Variants in RUNX2 observed in about 807,000 individuals in gnomAD.
The protein encoded by RUNX2 is RUNX family transcription factor 2.
A neutral mutation model predicts 51.7 loss-of-function variants in RUNX2; 10 were observed. The ratio of observed to expected loss-of-function variants is 0.19; its 90% confidence interval spans 0.12 to 0.33. RUNX2 has a LOEUF of 0.33. RUNX2 is among the 10% of genes least tolerant of loss of function. RUNX2 has a pLI of 1.00. For synonymous variants in RUNX2, 276 were observed against 273.6 expected (o/e 1.01, Z -0.09); for missense variants, 562 against 691.3 (o/e 0.81, Z 2.10).
chr6:45,470,805 A>C (rs1008110745), intron 5 of RUNX2, among the ~76,000 whole-genome samples: 2 of 152,174 alleles, frequency 1.3e-5, no homozygotes, highest in Non-Finnish European at 2.9e-5. Context: ...GACATGCCTC[A>C]AACTCTTGTA....
At chr6:45,409,182 C>G (rs1158704208) in intron 2 of RUNX2, among the ~76,000 whole-genome samples, 2 of 152,096 alleles carry the variant, frequency 1.3e-5, no homozygotes, top group Non-Finnish European at 2.9e-5. Context: ...AGAACACCAC[C>G]AATATTGGAA....
intron 5 of RUNX2, among the ~76,000 whole-genome samples, chr6:45,460,771 TA>T (rs35405209): frequency 1.0e-4 from 15 of 149,524 alleles, no homozygotes; most frequent in African/African-American, 1.5e-4. Context: ...CCCCAACTCT[TA>T]AAAAAAAAAG....
At position 45,507,696 on chromosome 6, in the gene RUNX2, C is replaced by A. The variant is rs1041082268; in HGVS notation, c.860-4550C>A. On this transcript the variant is annotated intron_variant, in intron 6 of 8. Coordinates refer to ENST00000647337, the MANE Select transcript of RUNX2 (RefSeq NM_001024630.4). ...GGATTTCTCTGGGAAGAAACCAAAA[C>A]TTAAGAAAGAACATGATTAAGGTTA... Among the ~76,000 whole-genome samples the A allele has an allele frequency of 6.2e-4, 95 of 152,214 alleles. No individual in the cohort carries two copies. The Middle Eastern group carries it at 0.01, about 16-fold the overall frequency.
intron 2 of RUNX2, among the ~76,000 whole-genome samples, chr6:45,386,308 C>G (rs541995259): frequency 1.3e-5 from 2 of 152,322 alleles, no homozygotes; most frequent in African/African-American, 4.8e-5. Flanking sequence ...CTCAGGTGAT[C>G]TGCCCACCTC....
At chr6:45,545,411 C>A in intron 8 of RUNX2, 129 bp downstream of exon 8, 1 of 963,068 alleles carries the variant, frequency 1.0e-6, no homozygotes, top group Non-Finnish European at 1.5e-6. Context: ...ATTACAAATG[C>A]ACATCATGGC....
intron 5 of RUNX2, among the ~76,000 whole-genome samples, chr6:45,488,983 C>T (rs1284888788): frequency 2.6e-5 from 4 of 152,154 alleles, no homozygotes; most frequent in Non-Finnish European, 4.4e-5. Flanking sequence ...GCCCATCATT[C>T]GAGTGTTACC....
chr6:45,436,568 T>C (rs934284697), intron 4 of RUNX2, among the ~76,000 whole-genome samples: 1 of 152,182 alleles, frequency 6.6e-6, no homozygotes, highest in African/African-American at 2.4e-5. Context: ...CCTGTTTTTT[T>C]CCCCTTGGCT....
rs529534949 is a variant in RUNX2, at chr6:45,380,697, C to T, written c.59-41896C>T. Among the ~76,000 whole-genome samples the T allele has an allele frequency of 2.0e-5, 3 of 152,338 alleles. No individual in the cohort carries two copies. In the South Asian group the frequency reaches 6.2e-4, roughly 32 times the overall value. On this transcript the variant is annotated intron_variant, in intron 2 of 8. Transcript: ENST00000647337. Reference sequence around the variant, plus strand: ...ATTCAAGCGATTCTTCTGCCTCAGCCTCCTGAGTAGCTGGGATTACAGGCG... The same window carrying T: ...ATTCAAGCGATTCTTCTGCCTCAGCTTCCTGAGTAGCTGGGATTACAGGCG...
At chr6:45,468,302 G>A (rs1799697468) in intron 5 of RUNX2, among the ~76,000 whole-genome samples, 1 of 151,952 alleles carries the variant, frequency 6.6e-6, no homozygotes, top group Non-Finnish European at 1.5e-5. Context: ...CATTACCATA[G>A]TATAAAAGAA....
chr6:45,466,268 C>A (rs1414506467), intron 5 of RUNX2, among the ~76,000 whole-genome samples: 1 of 151,590 alleles, frequency 6.6e-6, no homozygotes, highest in Non-Finnish European at 1.5e-5. Context: ...AGCCGAGATC[C>A]CGCCATTGCA....
chr6:45,394,391 C>T (rs1257534787), intron 2 of RUNX2, among the ~76,000 whole-genome samples: 1 of 152,154 alleles, frequency 6.6e-6, no homozygotes, highest in Non-Finnish European at 1.5e-5. Context: ...GCATCCAAGC[C>T]ATATCAAATG....
intron 5 of RUNX2, among the ~76,000 whole-genome samples, chr6:45,465,970 T>A (rs1799618966): frequency 6.6e-6 from 1 of 152,148 alleles, no homozygotes; most frequent in African/African-American, 2.4e-5. Context: ...TATGCCTTAG[T>A]TCCATGCCTG....
At chr6:45,505,171 C>T (rs1261505965) in intron 6 of RUNX2, among the ~76,000 whole-genome samples, 1 of 152,170 alleles carries the variant, frequency 6.6e-6, no homozygotes, top group Admixed American at 6.5e-5. Context: ...GCAGATCCTC[C>T]TTCACACCCA....
At chr6:45,438,675 G>C (rs944717230) in intron 5 of RUNX2, among the ~76,000 whole-genome samples, 1 of 152,122 alleles carries the variant, frequency 6.6e-6, no homozygotes, top group Non-Finnish European at 1.5e-5. Context: ...CATCCAGAAG[G>C]TTTCACCGGC....
chr6:45,341,556 A>C (rs1428618455), intron 2 of RUNX2, among the ~76,000 whole-genome samples: 2 of 152,214 alleles, frequency 1.3e-5, no homozygotes, highest in Non-Finnish European at 2.9e-5. Flanking sequence ...ATTAGTTTTC[A>C]TTAGAAACAT....
chr6:45,399,606 C>T (rs1323587811), intron 2 of RUNX2, among the ~76,000 whole-genome samples: 1 of 151,932 alleles, frequency 6.6e-6, no homozygotes, highest in Non-Finnish European at 1.5e-5. Flanking sequence ...GATCTGCCCA[C>T]CTTGGCCTCC....
In RUNX2 at chr6:45,335,323, A is replaced by C. The variant is rs1193483436; in HGVS notation, c.58+6539A>C. On this transcript the variant is annotated intron_variant, in intron 2 of 8. Transcript: ENST00000647337. ...ACAATGTGAATTTACTTTGAAGCTT[A>C]AAAGAAAGGATCATGACATTTATTT... 2.6e-5 allele frequency among the ~76,000 whole-genome samples: 4 copies of C among 151,400 alleles called. No individual in the cohort carries two copies. In the East Asian group the frequency reaches 5.8e-4, roughly 22 times the overall value.
chr6:45,364,114 C>CA (rs11333292), intron 2 of RUNX2, among the ~76,000 whole-genome samples: 53 of 143,742 alleles, frequency 3.7e-4, no homozygotes, highest in East Asian at 2.1e-3. Flanking sequence ...GACTCTGTCT[C>CA]AAAAAAAAAA....
rs150554243 is a variant in RUNX2 at position 45,346,250 on chromosome 6, G to T, written c.58+17466G>T. 5.0e-3 allele frequency among the ~76,000 whole-genome samples: 762 copies of T among 152,112 alleles called. 28 individuals carry two copies. Among genetic ancestry groups the T allele is most frequent in the East Asian group, 4.4e-3 (23 of 5,176 alleles). On this transcript the variant is annotated intron_variant, in intron 2 of 8. Coordinates refer to ENST00000647337, the MANE Select transcript of RUNX2 (RefSeq NM_001024630.4). ...AAATATATATAATTCTACTAGACAG[G>T]TGATACTGAAGTTTTTAAATTGCAA...
Sources: allele counts gnomAD v4.1 joint callset (sites outside exome capture counted in the v4.1 genomes callset), GRCh38; gene constraint gnomAD v4.1.1; transcripts MANE v1.5; gene names NCBI Gene and HGNC (gene_info 2026-07-23, HGNC 2026-07-21).